Variants in CR1L observed in about 807,000 individuals in gnomAD.
CR1L encodes complement component receptor 1-like protein.
A neutral mutation model predicts 62.3 loss-of-function variants in CR1L; 59 were observed. The ratio of observed to expected loss-of-function variants is 0.95; its 90% CI spans 0.77 to 1.18. The LOEUF (loss-of-function observed/expected upper bound fraction) is 1.18. Ranked by LOEUF, CR1L falls within the 50% of genes most tolerant of loss-of-function variation. CR1L has a pLI of 0.00. For missense variants in CR1L, 700 were observed against 702.8 expected (o/e 1.00, Z 0.04); for synonymous variants, 279 against 248.7 (o/e 1.12, Z -1.15).
chr1:207,646,582 A>G (rs1663129297), intron 1 of CR1L, among the ~76,000 whole-genome samples: 2 of 151,876 alleles, frequency 1.3e-5, no homozygotes. Context: ...ATGGTGGTGT[A>G]TGCCCGTGGT....
chr1:207,722,867 T>C (rs1420917039), intron 11 of CR1L, among the ~76,000 whole-genome samples: 2 of 152,154 alleles, frequency 1.3e-5, no homozygotes, highest in Admixed American at 1.3e-4. Flanking sequence ...AAATATAAAA[T>C]AGTTTATGCA....
At chr1:207,689,999 C>G (rs577908576) in intron 4 of CR1L, among the ~76,000 whole-genome samples, 165 of 152,032 alleles carry the variant, frequency 1.1e-3, no homozygotes, top group Non-Finnish European at 1.1e-3. Flanking sequence ...CTTTTTGCTT[C>G]TTTTTCCTTA....
At position 207,694,627 on chromosome 1, in the gene CR1L, C is replaced by A. The variant is rs756961281; in HGVS notation, c.738C>A (p.Ser246Arg). The A allele has an allele frequency of 3.7e-6, 6 of 1,611,856 alleles. No individual in the cohort carries two copies. In the East Asian group the frequency reaches 1.3e-4, roughly 36 times the overall value. ...GAATATTGGTATCTGACAACAGAAG[C>A]TTATTTTCCTTAAATGAAGTTGTGG... is the stretch of plus-strand genomic sequence containing the variant. ...ENGILVSDNR[S>R]LFSLNEVVEF... Residue 246 changes from serine to arginine, a missense_variant, in exon 5 of 12, where the codon AGC becomes AGA. Ser to Arg is a moderately radical substitution (Grantham distance 110). Coordinates refer to ENST00000508064, the MANE Select transcript of CR1L (RefSeq NM_175710.2).
At chr1:207,694,840 T>G (rs1019190895) in intron 5 of CR1L, 89 bp downstream of exon 5, 32 of 1,600,646 alleles carry the variant, frequency 2.0e-5, no homozygotes, top group African/African-American at 1.1e-4. Context: ...GGGGAGGGAT[T>G]TGTGCTGAGC....
At chr1:207,646,710 CAAAAAAAAAAA>C (rs34443417) in intron 1 of CR1L, among the ~76,000 whole-genome samples, 1 of 64,730 alleles carries the variant, frequency 1.5e-5, no homozygotes, top group African/African-American at 7.5e-5. Context: ...GACCCTGTCT[CAAAAAAAAAAA>C]AAAAAAAAAA....
chr1:207,680,487 T>C (rs757281911), intron 3 of CR1L, among the ~76,000 whole-genome samples: 67 of 152,188 alleles, frequency 4.4e-4, no homozygotes, highest in Non-Finnish European at 2.9e-5. Context: ...GTACCTGGGA[T>C]CTTTCTGTGC....
chr1:207,722,510 C>T (rs904576049), intron 11 of CR1L, among the ~76,000 whole-genome samples: 6 of 149,572 alleles, frequency 4.0e-5, no homozygotes, highest in Non-Finnish European at 5.9e-5. Context: ...TGTAGATATG[C>T]GGCGTTATTT....
At chr1:207,689,175 G>T (rs1199879231) in intron 4 of CR1L, among the ~76,000 whole-genome samples, 1 of 151,978 alleles carries the variant, frequency 6.6e-6, no homozygotes, top group African/African-American at 2.4e-5. Context: ...ATTGCTAAAA[G>T]ATTTATCATG....
chr1:207,654,195 T>C (rs1245794570), intron 1 of CR1L, among the ~76,000 whole-genome samples: 2 of 152,182 alleles, frequency 1.3e-5, no homozygotes, highest in East Asian at 3.9e-4. Context: ...ACAAACCAGA[T>C]TCAAACAATA....
chr1:207,716,785 G>T (rs1654009334), intron 10 of CR1L, among the ~76,000 whole-genome samples: 1 of 152,042 alleles, frequency 6.6e-6, no homozygotes, highest in Non-Finnish European at 1.5e-5. Context: ...GATAAACTTG[G>T]GTATCTCTTC....
intron 4 of CR1L, 91 bp from the exon 5 acceptor site, chr1:207,694,262 C>A (rs1158135567): frequency 3.3e-6 from 5 of 1,493,104 alleles, no homozygotes; most frequent in Non-Finnish European, 1.8e-6. Flanking sequence ...AGAATAAAAG[C>A]AAATAATGAA....
chr1:207,709,728 T>G (rs1215539086), intron 10 of CR1L, among the ~76,000 whole-genome samples: 2 of 149,962 alleles, frequency 1.3e-5, no homozygotes, highest in African/African-American at 5.0e-5. Context: ...TCCCAGCTAC[T>G]TGGGAGGCTG....
intron 4 of CR1L, among the ~76,000 whole-genome samples, chr1:207,685,200 A>G (rs116554794): frequency 0.022 from 3,392 of 152,292 alleles, 122 homozygotes; most frequent in African/African-American, 0.076. Context: ...AACTCTCTAT[A>G]TCCAAATCCT....
At chr1:207,659,695 C>T (rs539871095) in intron 1 of CR1L, among the ~76,000 whole-genome samples, 16 of 152,280 alleles carry the variant, frequency 1.1e-4, no homozygotes, top group African/African-American at 2.2e-4. Flanking sequence ...TGAAGCAGAG[C>T]GGGATGTCAC....
intron 9 of CR1L, among the ~76,000 whole-genome samples, chr1:207,706,796 A>G (rs1312482742): frequency 1.3e-5 from 2 of 152,206 alleles, no homozygotes; most frequent in Non-Finnish European, 2.9e-5. Flanking sequence ...TTTAAAAAGG[A>G]GAATGATGAA....
At chr1:207,656,133 G>C (rs945790064) in intron 1 of CR1L, among the ~76,000 whole-genome samples, 1 of 152,190 alleles carries the variant, frequency 6.6e-6, no homozygotes, top group Admixed American at 6.5e-5. Flanking sequence ...AGCTACTCTG[G>C]AGGCTGAGGC....
intron 1 of CR1L, among the ~76,000 whole-genome samples, chr1:207,652,282 C>T (rs6702222): frequency 0.39 from 59,550 of 152,034 alleles, 11,852 homozygotes; most frequent in African/African-American, 0.43. Context: ...TATTTTAAGA[C>T]CAAAGACATT....
rs756324621 is a variant in CR1L at position 207,708,155 on chromosome 1, T to G, written c.1329-23T>G. 14 of 1,609,014 alleles carry G rather than the reference T, an allele frequency of 8.7e-6. No homozygotes were observed. In the South Asian group the frequency reaches 1.3e-4, roughly 15 times the overall value. ...GTTGATGAGGTATGTACAGCACAAT[T>G]ATTTTCCATTTTTTGCCTTTAGGCA... is the stretch of plus-strand genomic sequence containing the variant. On this transcript the variant is annotated intron_variant, in intron 9 of 11. Transcript: ENST00000508064.
At chr1:207,722,231 C>T (rs1414697166) in intron 11 of CR1L, among the ~76,000 whole-genome samples, 12 of 112,250 alleles carry the variant, frequency 1.1e-4, no homozygotes, top group African/African-American at 3.3e-4. Flanking sequence ...CTTTTGTTGC[C>T]GTTGCTTTTG....
Sources: allele counts gnomAD v4.1 joint callset (sites outside exome capture counted in the v4.1 genomes callset), GRCh38; gene constraint gnomAD v4.1.1; transcripts MANE v1.5; gene names NCBI Gene and HGNC (gene_info 2026-07-23, HGNC 2026-07-21).